Variants in USF3 observed in about 807,000 individuals in gnomAD.
The protein encoded by USF3 is basic helix-loop-helix domain-containing protein USF3.
Under a neutral mutation model 157.5 loss-of-function variants are expected in USF3, and 29 were observed. That is an observed-to-expected ratio of 0.18 (90% confidence interval 0.14 to 0.25). The LOEUF (loss-of-function observed/expected upper bound fraction) is 0.25. USF3 is among the 10% of genes least tolerant of loss of function. USF3 has a pLI of 1.00. For synonymous variants in USF3, 893 were observed against 941.4 expected, an observed-to-expected ratio of 0.95 and a Z score of 0.94; for missense variants, 2,381 against 2,667.6, an observed-to-expected ratio of 0.89 and a Z score of 2.37.
rs1342044617 is a variant in USF3, at chr3:113,648,638, C to T, written c.*6306G>A. On this transcript the variant is annotated 3_prime_UTR_variant, in exon 7 of 7. Coordinates refer to ENST00000316407, the MANE Select transcript of USF3 (RefSeq NM_001009899.4). ...TATTATACATATCTGCTCTGGATTC[C>T]ATTACAAAACAAATTAGTTTCCATA... 1 of 152,462 alleles carries T rather than the reference C, an allele frequency of 6.6e-6. No homozygotes were observed. Among genetic ancestry groups the T allele is most frequent in the Non-Finnish European group, 1.5e-5 (1 of 67,988 alleles). The allele number at this position is 152,462 out of a possible 1,614,324, so 9.4% of individuals were successfully genotyped here. A position where few individuals can be genotyped will look rare whatever the true frequency, so the allele number is the denominator to read the frequency against.
Position 113,654,082 on chromosome 3 carries a change from CTAAAT to C in USF3, c.*857_*861del, listed in dbSNP as rs1947311626. 1 of 152,440 alleles carries C rather than the reference CTAAAT, an allele frequency of 6.6e-6. No individual in the cohort carries two copies. Among genetic ancestry groups the C allele is most frequent in the Non-Finnish European group, 1.5e-5 (1 of 68,004 alleles). The allele number at this position is 152,440 out of a possible 1,614,324, so 9.4% of individuals were successfully genotyped here. A position where few individuals can be genotyped will look rare whatever the true frequency, so the allele number is the denominator to read the frequency against. On this transcript the variant is annotated 3_prime_UTR_variant, in exon 7 of 7. Transcript: ENST00000316407. Reference sequence around the variant, plus strand: ...AAATAAATAGAATGAAGAGAGAATACTAAATTAAACTCAGCTGATGAAACATCCAT... The same window carrying C: ...AAATAAATAGAATGAAGAGAGAATACTAAACTCAGCTGATGAAACATCCAT...
At chr3:113,664,435 A>T (rs576904901) in intron 5 of USF3, 26 bp from the exon 6 acceptor site, 4 of 1,324,242 alleles carry the variant, frequency 3.0e-6, no homozygotes, top group Non-Finnish European at 4.3e-6. Context: ...TTAAAAGTTT[A>T]CAAGTTTCAC....
In USF3 at chr3:113,657,655, G is replaced by A. The variant is rs754236923; in HGVS notation, c.4027C>T (p.Arg1343Cys). 3.1e-6 allele frequency: 5 copies of A among 1,614,056 alleles called. No individual in the cohort carries two copies. The highest frequency in any genetic ancestry group is 1.3e-5 in the African/African-American group (1 of 74,918). ...GGGGCTGGCTGACAGTGCTTTTGAC[G>A]TTTAGCTGAAGACAGTAAAAGGTCA... ...QDDLLLSSAKRQKHCQPAPLR... is the reference protein window; with the variant it reads ...QDDLLLSSAKCQKHCQPAPLR... The change falls in exon 7 of 7, where the codon CGT (arginine) becomes TGT (cysteine). Residue 1343 changes from arginine to cysteine, a missense_variant. Arg to Cys is a radical substitution (Grantham distance 180). Around this residue, in one of 6 missense-constraint regions of USF3, gnomAD observed 1,435 missense variants for 1,550.9 expected, o/e 0.93. Transcript: ENST00000316407.
At chr3:113,695,975 TGAA>T (rs1707788920) in intron 1 of USF3, among the ~76,000 whole-genome samples, 1 of 152,132 alleles carries the variant, frequency 6.6e-6, no homozygotes, top group Admixed American at 6.5e-5. Context: ...AGAAGGGGAA[TGAA>T]GAAGACAGGA....
chr3:113,680,429 T>G (rs1055891752), intron 1 of USF3, among the ~76,000 whole-genome samples: 3 of 152,174 alleles, frequency 2.0e-5, no homozygotes, highest in Non-Finnish European at 4.4e-5. Context: ...TTCTGTGGTA[T>G]CCAATGTACT....
At position 113,658,432 on chromosome 3, in the gene USF3, C is replaced by A; in HGVS notation, c.3250G>T (p.Ala1084Ser). 6.2e-7 allele frequency: 1 copy of A among 1,614,052 alleles called. No homozygotes were observed. Among genetic ancestry groups the A allele is most frequent in the Non-Finnish European group, 8.5e-7 (1 of 1,180,020 alleles). The change falls in exon 7 of 7, where the codon GCC (alanine) becomes TCC (serine). Residue 1084 changes from alanine to serine, a missense_variant. Ala to Ser is a moderately conservative substitution (Grantham distance 99). Transcript: ENST00000316407. ...GAGCTGGTTGACATGGGAGAGTCGG[C>A]CTGTCTACCGTTGATCAAAGAACCA... ...INGSLINGRQ[A>S]DSPMSTSSGS...
intron 1 of USF3, among the ~76,000 whole-genome samples, chr3:113,691,875 T>C (rs1707692703): frequency 6.6e-6 from 1 of 152,206 alleles, no homozygotes. Flanking sequence ...TTTAAGGAAT[T>C]CCTGAGAACT....
intron 4 of USF3, among the ~76,000 whole-genome samples, chr3:113,673,142 T>C (rs1707198219): frequency 1.3e-5 from 2 of 152,182 alleles, no homozygotes; most frequent in African/African-American, 4.8e-5. Flanking sequence ...ATTATCTAAA[T>C]AGACTATGAA....
chr3:113,653,055 A>G lies in USF3; in HGVS notation c.*1889T>C, dbSNP rs186910301. 1.0e-3 allele frequency: 342 copies of G among 332,942 alleles called. 2 individuals are homozygous for G. The Middle Eastern group carries it at 0.019, about 18-fold the overall frequency. 20.6% of individuals were successfully genotyped at this position (332,942 alleles called of 1,614,324 possible). ...CTCCAGCCTGGGTGACAGAGTCTCAAAAAAAAAAGAAAAGAAGAAAGAAAA... is the reference window on the plus strand; with the variant it reads ...CTCCAGCCTGGGTGACAGAGTCTCAGAAAAAAAAGAAAAGAAGAAAGAAAA... On this transcript the variant is annotated 3_prime_UTR_variant, in exon 7 of 7. Coordinates refer to ENST00000316407, the MANE Select transcript of USF3 (RefSeq NM_001009899.4).
rs1256658275 is a variant in USF3 at position 113,655,536 on chromosome 3, T to C, written c.6146A>G (p.Asn2049Ser). 2 of 1,614,030 alleles carry C rather than the reference T, an allele frequency of 1.2e-6. No individual in the cohort carries two copies. The highest frequency in any genetic ancestry group is 2.7e-5 in the African/African-American group (2 of 74,922). The change falls in exon 7 of 7, where the codon AAT becomes AGT. Residue 2049 changes from asparagine (N) to serine (S), a missense_variant. Asn to Ser is a conservative substitution (Grantham distance 46, BLOSUM62 1). This residue lies in a region of USF3 where 770 missense variants were observed against 824.2 expected (regional missense o/e 0.93). Coordinates refer to ENST00000316407, the MANE Select transcript of USF3 (RefSeq NM_001009899.4). Reference sequence around the variant, plus strand: ...ATGCTGGTCAGGACCTGAATTATCATTAGGTACTTGTGGGCTATCAGGCAT... The same window carrying C: ...ATGCTGGTCAGGACCTGAATTATCACTAGGTACTTGTGGGCTATCAGGCAT... ...RFMPDSPQVPNDNSGPDQHTL... is the reference protein window; with the variant it reads ...RFMPDSPQVPSDNSGPDQHTL...
chr3:113,670,266 C>G, intron 4 of USF3, 63 bp from the exon 5 acceptor site: 1 of 935,790 alleles, frequency 1.1e-6, no homozygotes, highest in East Asian at 2.4e-5. Context: ...CCTCATTCAA[C>G]CACGGTAAAG....
chr3:113,696,189 C>A (rs953070977), intron 1 of USF3, among the ~76,000 whole-genome samples, 181 bp downstream of exon 1: 1 of 152,176 alleles, frequency 6.6e-6, no homozygotes, highest in African/African-American at 2.4e-5. Context: ...CGCTGACGCC[C>A]CACCAGGTGC....
chr3:113,660,435 T>A lies in USF3; in HGVS notation c.1247A>T (p.Asn416Ile). ...AGAGATTCGTGTAAGGCTATTAATG[T>A]TTTTCAAATCTGAAGTACTAACACT... The part of the protein sequence containing the change: ...SSSVSTSDLK[N>I]INSLTRISSA... The change falls in exon 7 of 7, where the codon AAC becomes ATC. Residue 416 changes from asparagine (N) to isoleucine (I), a missense_variant. Physicochemically the swap from Asn to Ile is moderately radical, Grantham distance 149. Transcript: ENST00000316407. The A allele has an allele frequency of 6.2e-7, 1 of 1,614,158 alleles. No individual in the cohort carries two copies. Among genetic ancestry groups the A allele is most frequent in the Non-Finnish European group, 8.5e-7 (1 of 1,180,026 alleles).
At chr3:113,675,772 C>A (rs1707267299) in intron 2 of USF3, among the ~76,000 whole-genome samples, 1 of 152,196 alleles carries the variant, frequency 6.6e-6, no homozygotes, top group Non-Finnish European at 1.5e-5. Context: ...CACAGCTCCA[C>A]AGTGCTGGAG....
intron 5 of USF3, among the ~76,000 whole-genome samples, chr3:113,667,740 A>C (rs1204694934): frequency 6.6e-6 from 1 of 151,960 alleles, no homozygotes. Context: ...GGTGGCATGC[A>C]CCTGTAATCC....
At chr3:113,664,980 TC>T (rs1947541077) in intron 5 of USF3, among the ~76,000 whole-genome samples, 1 of 152,298 alleles carries the variant, frequency 6.6e-6, no homozygotes, top group East Asian at 1.9e-4. Context: ...ATCTTGGACT[TC>T]CCACCTTCCA....
Position 113,655,476 on chromosome 3 carries a change from G to A in USF3, c.6206C>T (p.Pro2069Leu), listed in dbSNP as rs1043669360. Residue 2069 changes from proline (P) to leucine (L), a missense_variant, in exon 7 of 7, where the codon CCT becomes CTT. By Grantham distance (98) the Pro-to-Leu change is moderately conservative. Coordinates refer to ENST00000316407, the MANE Select transcript of USF3 (RefSeq NM_001009899.4). ...LSQNFGFSFIPEGGMNPPINA... is the reference protein window; with the variant it reads ...LSQNFGFSFILEGGMNPPINA... The stretch of plus-strand genomic sequence containing the variant: ...TATTGGTGGATTCATGCCACCCTCA[G>A]GAATAAAAGAAAAACCAAAATTTTG... 1.2e-6 allele frequency: 2 copies of A among 1,614,016 alleles called. No individual in the cohort carries two copies. The highest frequency in any genetic ancestry group is 1.7e-6 in the Non-Finnish European group (2 of 1,179,954).
intron 3 of USF3, 73 bp downstream of exon 3, chr3:113,674,759 A>G (rs1195983323): frequency 4.2e-6 from 5 of 1,186,834 alleles, no homozygotes; most frequent in Non-Finnish European, 6.3e-6. Context: ...AGGACTACCT[A>G]TGTAGCAAAA....
Position 113,660,894 on chromosome 3 carries a change from G to C in USF3, c.788C>G (p.Ser263Cys). The C allele has an allele frequency of 6.2e-7, 1 of 1,614,150 alleles. No individual in the cohort carries two copies. The highest frequency in any genetic ancestry group is 8.5e-7 in the Non-Finnish European group (1 of 1,179,988). The stretch of plus-strand genomic sequence containing the variant: ...CAAAGAATGATGTTGGTGAGGCTCA[G>C]ATTCAATTGAAACAGCAATCAGTGA... ...SGSLIAVSIE[S>C]EPHQHHSLHT... Residue 263 changes from serine (S) to cysteine (C), a missense_variant, in exon 7 of 7, where the codon TCT becomes TGT. Physicochemically the swap from Ser to Cys is moderately radical, Grantham distance 112 (BLOSUM62 -1). Coordinates refer to ENST00000316407, the MANE Select transcript of USF3 (RefSeq NM_001009899.4).
Sources: gnomAD v4.1 joint callset for allele counts (sites outside exome capture counted in the v4.1 genomes callset) on GRCh38, gnomAD v4.1.1 for gene constraint, gnomAD v4.1.1 regional missense constraint, MANE v1.5 for transcripts, NCBI Gene and HGNC (gene_info 2026-07-23, HGNC 2026-07-21) for gene names.